The following JMJD1C variants were observed in gnomAD, a reference collection of about 807,000 sequenced individuals.
JMJD1C encodes jumonji domain-containing protein 1C.
JMJD1C carries 31 observed loss-of-function variants against 245.3 expected under a neutral mutation model. That is an observed-to-expected ratio of 0.13 (90% CI 0.09 to 0.17). The LOEUF is 0.17. Among genes scored for constraint, JMJD1C ranks in the 10% least tolerant of loss-of-function variants. The probability of loss-of-function intolerance (pLI) is 1.00; values close to 1 mark genes in which losing one functional copy is unlikely to be tolerated. For missense variants in JMJD1C, 2,691 were observed against 3,000.2 expected (o/e 0.90, Z 2.41); for synonymous variants, 1,057 against 1,017.4 (o/e 1.04, Z -0.74).
At chr10:63,504,914 G>A (rs370380955) in intron 1 of JMJD1C, among the ~76,000 whole-genome samples, 1 of 151,770 alleles carries the variant, frequency 6.6e-6, no homozygotes. Context: ...CCAGCTACTC[G>A]GGAGGCTGAG....
chr10:63,509,080 T>C (rs1270115318), intron 1 of JMJD1C, among the ~76,000 whole-genome samples: 2 of 152,216 alleles, frequency 1.3e-5, no homozygotes, highest in African/African-American at 4.8e-5. Flanking sequence ...AGATGTTCTT[T>C]ATCAGGTAAG....
intron 1 of JMJD1C, among the ~76,000 whole-genome samples, chr10:63,481,907 G>A (rs1470666473): frequency 6.6e-6 from 1 of 152,186 alleles, no homozygotes; most frequent in Non-Finnish European, 1.5e-5. Flanking sequence ...AAAGCTGCAT[G>A]GAGAGGGAGG....
At chr10:63,444,212 A>C (rs572368085) in intron 1 of JMJD1C, among the ~76,000 whole-genome samples, 9 of 152,224 alleles carry the variant, frequency 5.9e-5, no homozygotes, top group Non-Finnish European at 1.2e-4. Flanking sequence ...CAAAATAAAA[A>C]GTGATGCATC....
chr10:63,208,624 T>C lies in JMJD1C; in HGVS notation c.3045A>G (p.Leu1015=). The C allele has an allele frequency of 6.2e-7, 1 of 1,614,062 alleles. No individual in the cohort carries two copies. Among genetic ancestry groups the C allele is most frequent in the Non-Finnish European group, 8.5e-7 (1 of 1,179,936 alleles). Residue 1015 remains leucine, a synonymous_variant, in exon 10 of 26, where the codon TTA becomes TTG. Coordinates refer to ENST00000399262, the MANE Select transcript of JMJD1C (RefSeq NM_032776.3). ...GACGGTGTTCCTCTTTGTATTTGTTTAACCTCTCTCCAGTCTCCTGGGGTG... is the reference window on the plus strand; with the variant it reads ...GACGGTGTTCCTCTTTGTATTTGTTCAACCTCTCTCCAGTCTCCTGGGGTG... ...QRPPQETGER[L]NKYKEEHRRI...
chr10:63,184,285 G>A (rs1441537787), intron 21 of JMJD1C, among the ~76,000 whole-genome samples: 2 of 147,332 alleles, frequency 1.4e-5, no homozygotes, highest in East Asian at 4.0e-4. Context: ...CTGTTGCCCA[G>A]GCTGGAGTGC....
chr10:63,277,489 T>A (rs529844969), intron 2 of JMJD1C, among the ~76,000 whole-genome samples: 2 of 152,160 alleles, frequency 1.3e-5, no homozygotes, highest in African/African-American at 2.4e-5. Context: ...TATAGATGGG[T>A]AAATTTCTTT....
At chr10:63,416,213 A>G (rs1227849268) in intron 1 of JMJD1C, among the ~76,000 whole-genome samples, 2 of 152,206 alleles carry the variant, frequency 1.3e-5, no homozygotes, top group African/African-American at 4.8e-5. Context: ...AAATTGTTAT[A>G]CATGATCATG....
intron 3 of JMJD1C, among the ~76,000 whole-genome samples, chr10:63,229,219 G>A (rs920738299): frequency 1.3e-5 from 2 of 151,902 alleles, no homozygotes; most frequent in South Asian, 2.1e-4. Context: ...AAAGCAAGGG[G>A]TAATTAAGTC....
chr10:63,178,161 G>T (rs1265563362), intron 22 of JMJD1C, among the ~76,000 whole-genome samples: 2 of 152,104 alleles, frequency 1.3e-5, no homozygotes, highest in Non-Finnish European at 2.9e-5. Context: ...GGCTGGTCTT[G>T]AACTCCTGAG....
intron 1 of JMJD1C, 84 bp downstream of exon 1, chr10:63,465,411 G>A: frequency 7.4e-7 from 1 of 1,347,422 alleles, no homozygotes; most frequent in Non-Finnish European, 1.0e-6. Context: ...GCTGAGCGAG[G>A]CGCCAGAGGG....
At chr10:63,505,094 C>T (rs1233472924) in intron 1 of JMJD1C, among the ~76,000 whole-genome samples, 1 of 152,114 alleles carries the variant, frequency 6.6e-6, no homozygotes, top group African/African-American at 2.4e-5. Flanking sequence ...AGGCGGATCA[C>T]GAGGTCAGGA....
intron 3 of JMJD1C, among the ~76,000 whole-genome samples, chr10:63,248,767 G>A (rs1010658590): frequency 2.0e-5 from 3 of 152,122 alleles, no homozygotes; most frequent in Non-Finnish European, 2.9e-5. Flanking sequence ...CAAAGAGATA[G>A]CTGCATTTCT....
chr10:63,264,755 G>A lies in JMJD1C; in HGVS notation c.343C>T (p.Pro115Ser). 1 of 1,547,444 alleles carries A rather than the reference G, an allele frequency of 6.5e-7. No individual in the cohort carries two copies. The highest frequency in any genetic ancestry group is 8.8e-7 in the Non-Finnish European group (1 of 1,140,818). Residue 115 changes from proline to serine, a missense_variant, in exon 3 of 26, where the codon CCT (proline) becomes TCT (serine). Physicochemically the swap from Pro to Ser is moderately conservative, Grantham distance 74. Around this residue, in one of 9 missense-constraint regions of JMJD1C, gnomAD observed 172 missense variants for 240.8 expected, o/e 0.71. Coordinates refer to ENST00000399262, the MANE Select transcript of JMJD1C (RefSeq NM_032776.3). ...CTGGGTATATTTCTTTCAACCAGAGGTTTGAAAGTCTGCCAAGAAAAAAAA... is the reference window on the plus strand; with the variant it reads ...CTGGGTATATTTCTTTCAACCAGAGATTTGAAAGTCTGCCAAGAAAAAAAA... ...QIQWPALTFK[P>S]LVERNIPSSV...
chr10:63,434,835 T>C (rs780487953), intron 1 of JMJD1C, among the ~76,000 whole-genome samples: 2 of 152,240 alleles, frequency 1.3e-5, no homozygotes, highest in Non-Finnish European at 2.9e-5. Flanking sequence ...CACCTGAGTT[T>C]GGAATAGTTC....
intron 2 of JMJD1C, among the ~76,000 whole-genome samples, chr10:63,311,921 T>C (rs1337304421): frequency 1.3e-5 from 2 of 152,196 alleles, no homozygotes. Context: ...ATTCTTAATT[T>C]ATTATATGCT....
At chr10:63,197,671 T>A in intron 12 of JMJD1C, 108 bp from the exon 13 acceptor site, 1 of 976,822 alleles carries the variant, frequency 1.0e-6, no homozygotes, top group South Asian at 1.9e-5. Flanking sequence ...CCAAGAACTT[T>A]CAAGGCTATA....
intron 10 of JMJD1C, among the ~76,000 whole-genome samples, chr10:63,201,438 G>A (rs1165613818): frequency 6.6e-6 from 1 of 151,916 alleles, no homozygotes; most frequent in Non-Finnish European, 1.5e-5. Flanking sequence ...GCATTATACA[G>A]TCTAATATGT....
intron 1 of JMJD1C, among the ~76,000 whole-genome samples, chr10:63,520,692 C>T (rs1438060615): frequency 1.3e-5 from 2 of 152,178 alleles, no homozygotes. Flanking sequence ...TCTGGCAGGC[C>T]TCAGGGAAAT....
intron 1 of JMJD1C, among the ~76,000 whole-genome samples, chr10:63,411,050 T>A (rs1402103124): frequency 6.6e-6 from 1 of 152,176 alleles, no homozygotes; most frequent in Non-Finnish European, 1.5e-5. Context: ...CCACCAAATT[T>A]GTTGTGATGT....
Sources: gnomAD v4.1 joint callset for allele counts (sites outside exome capture counted in the v4.1 genomes callset) on GRCh38, gnomAD v4.1.1 for gene constraint, gnomAD v4.1.1 regional missense constraint, MANE v1.5 for transcripts, NCBI Gene and HGNC (gene_info 2026-07-23, HGNC 2026-07-21) for gene names.